ADAMTS13: variants seen among roughly 807,000 people sequenced by gnomAD.
The protein encoded by ADAMTS13 is A disintegrin and metalloproteinase with thrombospondin motifs 13.
In ADAMTS13, 110 loss-of-function variants were observed where a neutral mutation model predicts 155.1. That is an observed-to-expected ratio of 0.71 (90% CI 0.61 to 0.83). The LOEUF (loss-of-function observed/expected upper bound fraction) is 0.83. Among genes scored for constraint, ADAMTS13 ranks in the 40% least tolerant of loss-of-function variants. ADAMTS13 has a pLI of 0.00. For synonymous variants in ADAMTS13, 758 were observed against 756.4 expected (o/e 1.00, Z -0.03); for missense variants, 1,707 against 1,891.7 (o/e 0.90, Z 1.81).
chr9:133,429,712 G>A (rs1554786489), intron 7 of ADAMTS13: 1 of 705,794 alleles, frequency 1.4e-6, no homozygotes, highest in Non-Finnish European at 2.6e-6. Flanking sequence ...CCGTCCCTCC[G>A]TCGCCGCTCC....
chr9:133,449,388 T>C (rs1348450999), intron 22 of ADAMTS13, among the ~76,000 whole-genome samples: 4 of 126,654 alleles, frequency 3.2e-5, no homozygotes, highest in South Asian at 5.1e-4. Flanking sequence ...TGCAGTTTGA[T>C]GGATGGTGTT....
Position 133,438,664 on chromosome 9 carries a change from G to A in ADAMTS13, c.1705+298G>A, listed in dbSNP as rs649078. On this transcript the variant is annotated intron_variant, in intron 14 of 28. Transcript: ENST00000355699. ...GCGCTGTGCTCACGCCTGTACTCCC[G>A]GCACTTTGGGAGGCTGAGGCGGGTG... Among the ~76,000 whole-genome samples the A allele has an allele frequency of 0.069, 10,464 of 152,092 alleles. 419 individuals are homozygous for A. The highest frequency in any genetic ancestry group is 0.099 in the Middle Eastern group (29 of 294).
chr9:133,426,473 CG>C, intron 6 of ADAMTS13, 128 bp downstream of exon 6: 1 of 1,310,794 alleles, frequency 7.6e-7, no homozygotes, highest in Non-Finnish European at 1.1e-6. Flanking sequence ...CCCCTCACCC[CG>C]ACAGACTCAG....
chr9:133,446,967 C>G (rs1842104535), intron 21 of ADAMTS13, among the ~76,000 whole-genome samples: 1 of 152,184 alleles, frequency 6.6e-6, no homozygotes, highest in Non-Finnish European at 1.5e-5. Context: ...AAGTGATTCT[C>G]GTGCTTCAGC....
chr9:133,431,351 G>C (rs1840751365), intron 8 of ADAMTS13, among the ~76,000 whole-genome samples: 1 of 141,786 alleles, frequency 7.1e-6, no homozygotes, highest in Non-Finnish European at 1.5e-5. Flanking sequence ...TTTTGAGACA[G>C]AGTCTCACTC....
chr9:133,414,358 C>G (rs1554780943), exon 1 of ADAMTS13: 1 of 583,216 alleles, frequency 1.7e-6, no homozygotes, highest in Admixed American at 2.2e-5. Context: ...CCAAACCACC[C>G]AACTGGCGAG....
intron 2 of ADAMTS13, among the ~76,000 whole-genome samples, chr9:133,423,689 G>A (rs1212213642): frequency 6.6e-6 from 1 of 152,192 alleles, no homozygotes; most frequent in Non-Finnish European, 1.5e-5. Flanking sequence ...AGAGGCAGGT[G>A]GGCTAGTGGT....
intron 7 of ADAMTS13, among the ~76,000 whole-genome samples, chr9:133,429,203 T>C (rs1388356669): frequency 1.1e-3 from 25 of 22,630 alleles, no homozygotes; most frequent in African/African-American, 4.9e-3. Context: ...CCCCACCCCC[T>C]GCACCTCCCC....
chr9:133,445,899 A>C lies in ADAMTS13; in HGVS notation c.2731+80A>C. 6.7e-7 allele frequency: 1 copy of C among 1,499,968 alleles called. No individual in the cohort carries two copies. Among genetic ancestry groups the C allele is most frequent in the Non-Finnish European group, 8.9e-7 (1 of 1,124,972 alleles). 92.9% of individuals were successfully genotyped at this position (1,499,968 alleles called of 1,614,324 possible). A position where few individuals can be genotyped will look rare whatever the true frequency, so the allele number is the denominator to read the frequency against. Reference sequence around the variant, plus strand: ...CACTTGCATCTTGCCTCGTTCTGAAAAGCATTTGAGGTGGATTGCAGAAAA... The same window carrying C: ...CACTTGCATCTTGCCTCGTTCTGAACAGCATTTGAGGTGGATTGCAGAAAA... On this transcript the variant is annotated intron_variant, in intron 21 of 28. Coordinates refer to ENST00000355699, the MANE Select transcript of ADAMTS13 (RefSeq NM_139027.6). The surrounding 1 kb of genome is among the most constrained non-coding windows in gnomAD (Gnocchi z 5.0).
chr9:133,443,198 G>T (rs1841807079), intron 18 of ADAMTS13, among the ~76,000 whole-genome samples, 178 bp from the exon 19 acceptor site: 1 of 152,192 alleles, frequency 6.6e-6, no homozygotes, highest in South Asian at 2.1e-4. Context: ...ACCAGCCTGT[G>T]ATTCGGTTGT....
Position 133,425,684 on chromosome 9 carries a change from T to A in ADAMTS13, c.414+72T>A. On this transcript the variant is annotated intron_variant, in intron 4 of 28. Coordinates refer to ENST00000355699, the MANE Select transcript of ADAMTS13 (RefSeq NM_139027.6). This position sits in a 1 kb window ranked among gnomAD's most constrained non-coding sequence, Gnocchi z 4.6. ...CAAGTCATCGCATCTCCATCCTCTTTAACCTCTTGTCCCGGATGCCCCAAG... is the reference window on the plus strand; with the variant it reads ...CAAGTCATCGCATCTCCATCCTCTTAAACCTCTTGTCCCGGATGCCCCAAG... 2 of 1,522,638 alleles carry A rather than the reference T, an allele frequency of 1.3e-6. No individual in the cohort carries two copies. Among genetic ancestry groups the A allele is most frequent in the Non-Finnish European group, 1.8e-6 (2 of 1,114,080 alleles). The allele number at this position is 1,522,638 out of a possible 1,614,324, so 94.3% of individuals were successfully genotyped here.
intron 12 of ADAMTS13, 22 bp from the exon 13 acceptor site, chr9:133,437,727 C>G: frequency 5.0e-6 from 8 of 1,613,530 alleles, no homozygotes; most frequent in Non-Finnish European, 6.8e-6. Context: ...TCAGGACACC[C>G]TTTTTCACTC....
rs1842005135 is a variant in ADAMTS13 at position 133,445,616 on chromosome 9, C to A, written c.2611-83C>A. On this transcript the variant is annotated intron_variant, in intron 20 of 28. Coordinates refer to ENST00000355699, the MANE Select transcript of ADAMTS13 (RefSeq NM_139027.6). The surrounding 1 kb of genome is among the most constrained non-coding windows in gnomAD (Gnocchi z 5.0). Reference sequence around the variant, plus strand: ...CACACGCCACTTCCTGGTCTCTCTGCTGCTGCCTGAGAAGATCGAGACGGG... The same window carrying A: ...CACACGCCACTTCCTGGTCTCTCTGATGCTGCCTGAGAAGATCGAGACGGG... 1 of 1,605,380 alleles carries A rather than the reference C, an allele frequency of 6.2e-7. No individual in the cohort carries two copies. The highest frequency in any genetic ancestry group is 8.5e-7 in the Non-Finnish European group (1 of 1,175,850).
At chr9:133,438,219 G>T (rs375772736) in intron 13 of ADAMTS13, 27 bp from the exon 14 acceptor site, 2 of 1,614,044 alleles carry the variant, frequency 1.2e-6, no homozygotes, top group South Asian at 2.2e-5. Context: ...CCAGTGACAC[G>T]GGCCCTCTGT....
chr9:133,433,573 CCA>C, intron 10 of ADAMTS13, 44 bp downstream of exon 10: 1 of 1,613,738 alleles, frequency 6.2e-7, no homozygotes, highest in Non-Finnish European at 8.5e-7. Flanking sequence ...TGTGGCCATA[CCA>C]TAGTCCCTAG....
intron 11 of ADAMTS13, among the ~76,000 whole-genome samples, 182 bp downstream of exon 11, chr9:133,433,886 A>G (rs1380224085): frequency 1.3e-5 from 2 of 152,100 alleles, no homozygotes; most frequent in African/African-American, 4.8e-5. Flanking sequence ...ACCTGAGGTC[A>G]GGGGTTCAAG....
chr9:133,440,248 G>A lies in ADAMTS13; in HGVS notation c.1787-96G>A. The A allele has an allele frequency of 6.5e-7, 1 of 1,532,028 alleles. No homozygotes were observed. Among genetic ancestry groups the A allele is most frequent in the Non-Finnish European group, 9.0e-7 (1 of 1,115,380 alleles). 94.9% of individuals were successfully genotyped at this position (1,532,028 alleles called of 1,614,324 possible). On this transcript the variant is annotated intron_variant, in intron 15 of 28. Transcript: ENST00000355699. The surrounding 1 kb of genome is among the most constrained non-coding windows in gnomAD (Gnocchi z 4.3). ...CAGATGCCTGTGGCTCCTTAGAGGA[G>A]GGCTGGGGACCCCGGGAAGGAGAGT...
chr9:133,415,103 A>G, intron 1 of ADAMTS13: 7 of 930,612 alleles, frequency 7.5e-6, no homozygotes, highest in Non-Finnish European at 1.1e-5. Context: ...ATATACACAC[A>G]TATACACCAA....
At chr9:133,434,959 G>A (rs782627020) in intron 11 of ADAMTS13, among the ~76,000 whole-genome samples, 1 of 152,282 alleles carries the variant, frequency 6.6e-6, no homozygotes, top group South Asian at 2.1e-4. Flanking sequence ...CTGTGTCAGC[G>A]CCTCATTCCT....
Sources: gnomAD v4.1 joint callset for allele counts (sites outside exome capture counted in the v4.1 genomes callset) on GRCh38, gnomAD v4.1.1 for gene constraint, Gnocchi (gnomAD v3.1) non-coding constraint, MANE v1.5 for transcripts, NCBI Gene and HGNC (gene_info 2026-07-23, HGNC 2026-07-21) for gene names.